The following SHROOM2 variants were observed in gnomAD, a reference collection of about 807,000 sequenced individuals.
SHROOM2 encodes the protein protein Shroom2.
Under a neutral mutation model 75.9 loss-of-function variants are expected in SHROOM2, and 33 were observed. The ratio of observed to expected loss-of-function variants is 0.43; its 90% CI spans 0.33 to 0.58. The LOEUF (loss-of-function observed/expected upper bound fraction) is 0.58. Ranked by LOEUF, SHROOM2 falls within the 20% of genes least tolerant of loss-of-function variation. The pLI, the probability that SHROOM2 is intolerant of heterozygous loss-of-function variation, is 0.04. For synonymous variants in SHROOM2, 655 were observed against 663.6 expected, an observed-to-expected ratio of 0.99 and a Z score of 0.20; for missense variants, 1,434 against 1,461.2, an observed-to-expected ratio of 0.98 and a Z score of 0.30.
chrX:9,938,543 A>G (rs2084737930), intron 7 of SHROOM2, among the ~76,000 whole-genome samples: 1 of 111,791 alleles, frequency 8.9e-6, no homozygotes, highest in African/African-American at 3.3e-5. Flanking sequence ...ACAGAGTAAG[A>G]CCCCATCTCT....
At chrX:9,859,098 C>T (rs769294242) in intron 1 of SHROOM2, among the ~76,000 whole-genome samples, 14 of 110,966 alleles carry the variant, frequency 1.3e-4, no homozygotes, top group Non-Finnish European at 2.3e-4. Context: ...TCTGTAATCT[C>T]AGCTACTCGG....
At chrX:9,802,989 C>T (rs1405094713) in intron 1 of SHROOM2, among the ~76,000 whole-genome samples, 2 of 105,410 alleles carry the variant, frequency 1.9e-5, no homozygotes, top group Non-Finnish European at 3.9e-5. Context: ...AGTGCAGTGG[C>T]GTGATCACAG....
intron 1 of SHROOM2, among the ~76,000 whole-genome samples, chrX:9,836,471 T>C (rs2083945755): frequency 9.1e-6 from 1 of 109,835 alleles, no homozygotes; most frequent in African/African-American, 3.3e-5. Flanking sequence ...TCAGCCTCAG[T>C]CTACCCCCCA....
chrX:9,903,993 C>T (rs2084378425), intron 5 of SHROOM2, among the ~76,000 whole-genome samples: 1 of 110,948 alleles, frequency 9.0e-6, no homozygotes, highest in African/African-American at 3.3e-5. Flanking sequence ...GAAGGAATAG[C>T]TTTCAGGTGA....
intron 1 of SHROOM2, among the ~76,000 whole-genome samples, chrX:9,808,442 G>A (rs2083769500): frequency 9.1e-6 from 1 of 109,912 alleles, no homozygotes; most frequent in African/African-American, 3.3e-5. Flanking sequence ...ACCTACTTGG[G>A]AGCCTGAGGC....
intron 1 of SHROOM2, among the ~76,000 whole-genome samples, chrX:9,792,648 C>A (rs1248817454): frequency 9.1e-6 from 1 of 109,647 alleles, no homozygotes. Context: ...CAACAAGAAC[C>A]CAGGCAGGGT....
At chrX:9,922,193 A>G (rs1032391399) in intron 5 of SHROOM2, among the ~76,000 whole-genome samples, 2 of 111,074 alleles carry the variant, frequency 1.8e-5, no homozygotes, top group African/African-American at 6.6e-5. Context: ...AGCTGGGACT[A>G]CAGGTGCATG....
intron 1 of SHROOM2, among the ~76,000 whole-genome samples, chrX:9,821,237 T>C (rs1198619409): frequency 1.8e-5 from 2 of 112,424 alleles, no homozygotes; most frequent in South Asian, 3.7e-4. Context: ...CTAATTAGCA[T>C]GTGCAAAACC....
intron 5 of SHROOM2, among the ~76,000 whole-genome samples, chrX:9,924,174 A>G (rs905702233): frequency 8.9e-6 from 1 of 111,962 alleles, no homozygotes; most frequent in Non-Finnish European, 1.9e-5. Flanking sequence ...GGTGGTTCCA[A>G]CAGGACACAA....
chrX:9,895,421 G>A lies in SHROOM2; in HGVS notation c.1513G>A (p.Glu505Lys), dbSNP rs146916164. ...WPSDTALGAL[E>K]SLPPPTVGQS... The stretch of plus-strand genomic sequence containing the variant: ...TTCTGACACAGCCCTTGGAGCCCTC[G>A]AGAGTCTTCCCCCACCCACGGTGGG... Residue 505 changes from glutamate (E) to lysine (K), a missense_variant, in exon 4 of 10, where the codon GAG becomes AAG. Transcript: ENST00000380913. 5.7e-5 allele frequency: 69 copies of A among 1,206,705 alleles called. No individual in the cohort carries two copies. Among genetic ancestry groups the A allele is most frequent in the African/African-American group, 2.6e-4 (15 of 57,179 alleles).
chrX:9,900,869 G>C (rs571035586), intron 5 of SHROOM2, among the ~76,000 whole-genome samples: 2 of 108,320 alleles, frequency 1.8e-5, no homozygotes, highest in African/African-American at 6.7e-5. Context: ...ACTGCCATCA[G>C]AGGCTTCACC....
intron 1 of SHROOM2, among the ~76,000 whole-genome samples, chrX:9,873,093 C>T (rs2084179999): frequency 8.9e-6 from 1 of 111,929 alleles, no homozygotes; most frequent in East Asian, 2.8e-4. Context: ...TTCATGGACA[C>T]AGAAAGTACA....
chrX:9,935,239 G>A (rs1271415066), intron 6 of SHROOM2, among the ~76,000 whole-genome samples: 5 of 111,273 alleles, frequency 4.5e-5, no homozygotes, highest in African/African-American at 1.6e-4. Context: ...CGGGGGGGCG[G>A]GGGTGAAGGG....
In SHROOM2 at chrX:9,937,677, AGAG is replaced by A. The variant is rs1187398934; in HGVS notation, c.4135_4137del (p.Glu1379del). ...CCAAAATCCCCTCTCCTAGAAGCAC[AGAG>A]GAGAGGTGAGTAGGCGTGGCCTCCC... On this transcript the variant is annotated inframe_deletion, in exon 7 of 10. Coordinates refer to ENST00000380913, the MANE Select transcript of SHROOM2 (RefSeq NM_001649.4). 8.5e-7 allele frequency: 1 copy of A among 1,182,557 alleles called. No homozygotes were observed. Among genetic ancestry groups the A allele is most frequent in the Admixed American group, 2.4e-5 (1 of 42,488 alleles).
At position 9,912,107 on chromosome X, in the gene SHROOM2, AACACACACACACACAC is replaced by A. The variant is rs61080253; in HGVS notation, c.2891+13847_2891+13862del. ...GAGACAGAGCAAGATCCTTTCTCCA[AACACACACACACACAC>A]ACACACACACACACACACACACACA... is the stretch of plus-strand genomic sequence containing the variant. On this transcript the variant is annotated intron_variant, in intron 5 of 9. Coordinates refer to ENST00000380913, the MANE Select transcript of SHROOM2 (RefSeq NM_001649.4). 1.1e-3 allele frequency among the ~76,000 whole-genome samples: 29 copies of A among 26,459 alleles called. 1 individual carries two copies. Among genetic ancestry groups the A allele is most frequent in the African/African-American group, 2.6e-3 (23 of 8,856 alleles). 23.0% of individuals were successfully genotyped at this position (26,459 alleles called of 115,157 possible).
intron 6 of SHROOM2, among the ~76,000 whole-genome samples, chrX:9,935,879 C>G (rs775442031): frequency 9.0e-6 from 1 of 111,412 alleles, no homozygotes; most frequent in Non-Finnish European, 1.9e-5. Context: ...TTGCTTCCCT[C>G]CTGACCACCA....
At chrX:9,824,765 G>A (rs1014237423) in intron 1 of SHROOM2, among the ~76,000 whole-genome samples, 1 of 111,862 alleles carries the variant, frequency 8.9e-6, no homozygotes, top group Non-Finnish European at 1.9e-5. Context: ...GCACACAACC[G>A]TTGTGCCCTT....
At position 9,923,352 on chromosome X, in the gene SHROOM2, T is replaced by G. The variant is rs1366790283; in HGVS notation, c.2892-8823T>G. On this transcript the variant is annotated intron_variant, in intron 5 of 9. Coordinates refer to ENST00000380913, the MANE Select transcript of SHROOM2 (RefSeq NM_001649.4). The stretch of plus-strand genomic sequence containing the variant: ...GGGGGGTGCACTCAATCTTACCATT[T>G]TCACAGATGAGAGTAATTTCATTTC... 2.7e-5 allele frequency among the ~76,000 whole-genome samples: 3 copies of G among 111,730 alleles called. No homozygotes were observed. In the East Asian group the frequency reaches 8.5e-4, roughly 32 times the overall value.
chrX:9,885,692 C>T (rs896568447), intron 2 of SHROOM2, among the ~76,000 whole-genome samples: 5 of 111,473 alleles, frequency 4.5e-5, no homozygotes, highest in Admixed American at 3.8e-4. Flanking sequence ...CAGGGGCTCA[C>T]GCCTGTAATC....
Sources: gnomAD v4.1 joint callset for allele counts (sites outside exome capture counted in the v4.1 genomes callset) on GRCh38, gnomAD v4.1.1 for gene constraint, MANE v1.5 for transcripts, NCBI Gene and HGNC (gene_info 2026-07-23, HGNC 2026-07-21) for gene names.